FUT8: variants seen among roughly 807,000 people sequenced by gnomAD.
The protein encoded by FUT8 is alpha-(1,6)-fucosyltransferase.
FUT8 carries 29 observed loss-of-function variants against 71.3 expected under a neutral mutation model. The ratio of observed to expected loss-of-function variants is 0.41; its 90% CI spans 0.30 to 0.55. The LOEUF (loss-of-function observed/expected upper bound fraction) is 0.55. Ranked by LOEUF, FUT8 falls within the 20% of genes least tolerant of loss-of-function variation. The pLI is 0.34. For synonymous variants in FUT8, 254 were observed against 239.3 expected (o/e 1.06, Z -0.57); for missense variants, 544 against 702.1 (o/e 0.77, Z 2.55).
chr14:65,565,990 A>G (rs116459339), intron 3 of FUT8, among the ~76,000 whole-genome samples: 5,839 of 151,968 alleles, frequency 0.038, 387 homozygotes, highest in African/African-American at 0.13. Flanking sequence ...TGGTGGCATA[A>G]AACAATCATT....
chr14:65,574,790 A>G lies in FUT8; in HGVS notation c.203+13024A>G, dbSNP rs1886666337. Reference sequence around the variant, plus strand: ...AGTGAACTTCATTGTTTGTGGCGCAATGTCTTGCTTCCCTTGGTTCCTAGT... The same window carrying G: ...AGTGAACTTCATTGTTTGTGGCGCAGTGTCTTGCTTCCCTTGGTTCCTAGT... On this transcript the variant is annotated intron_variant, in intron 3 of 10. Coordinates refer to ENST00000673929, the MANE Select transcript of FUT8 (RefSeq NM_001371533.1). This position sits in a 1 kb window ranked among gnomAD's most constrained non-coding sequence, Gnocchi z 5.2. 6.6e-6 allele frequency among the ~76,000 whole-genome samples: 1 copy of G among 152,158 alleles called. No homozygotes were observed. The highest frequency in any genetic ancestry group is 1.5e-5 in the Non-Finnish European group (1 of 68,024).
In FUT8 at chr14:65,602,341, TCTCACACACACACACACACACACACACA is replaced by T. The variant is rs1250502733; in HGVS notation, c.204-13635_204-13608del. Among the ~76,000 whole-genome samples, 22 of 50,066 alleles carry T rather than the reference TCTCACACACACACACACACACACACACA, an allele frequency of 4.4e-4. No individual in the cohort carries two copies. The East Asian group carries it at 5.5e-3, about 12-fold the overall frequency. 32.8% of individuals were successfully genotyped at this position (50,066 alleles called of 152,430 possible). On this transcript the variant is annotated intron_variant, in intron 3 of 10. Coordinates refer to ENST00000673929, the MANE Select transcript of FUT8 (RefSeq NM_001371533.1). ...TTTCATGGCCGAGTAGCGTTCCATC[TCTCACACACACACACACACACACACACA>T]CACACACACACACACACACACACAC...
At chr14:65,599,891 C>G (rs113214767) in intron 3 of FUT8, among the ~76,000 whole-genome samples, 1 of 152,162 alleles carries the variant, frequency 6.6e-6, no homozygotes, top group Non-Finnish European at 1.5e-5. Flanking sequence ...TACATATGCT[C>G]TAACAAAAAT....
At chr14:65,635,905 G>T (rs1468701512) in intron 6 of FUT8, among the ~76,000 whole-genome samples, 1 of 152,058 alleles carries the variant, frequency 6.6e-6, no homozygotes. Flanking sequence ...GTATCGAAAG[G>T]ATTGGTACCA....
At chr14:65,417,334 CCCCCCA>C (rs2065233692) in intron 1 of FUT8, among the ~76,000 whole-genome samples, 1 of 152,102 alleles carries the variant, frequency 6.6e-6, no homozygotes, top group Non-Finnish European at 1.5e-5. Context: ...TCCCCAGCTA[CCCCCCA>C]TCATCCAACA....
At chr14:65,663,679 C>G (rs1409131104) in intron 6 of FUT8, among the ~76,000 whole-genome samples, 1 of 152,022 alleles carries the variant, frequency 6.6e-6, no homozygotes, top group East Asian at 1.9e-4. Flanking sequence ...TGGATTTTCC[C>G]TCTTTCTTTA....
intron 2 of FUT8, among the ~76,000 whole-genome samples, chr14:65,555,655 A>T (rs1885548084): frequency 6.6e-6 from 1 of 152,232 alleles, no homozygotes; most frequent in East Asian, 1.9e-4. Context: ...TCTAGGCAGA[A>T]GGCTAAAGTG....
intron 2 of FUT8, among the ~76,000 whole-genome samples, chr14:65,533,655 T>C (rs918600098): frequency 6.6e-6 from 1 of 152,140 alleles, no homozygotes; most frequent in Non-Finnish European, 1.5e-5. Context: ...TGATTGCTCT[T>C]GAAAGGACTT....
rs1555379148 is a variant in FUT8, at chr14:65,643,663, A to ACACACACAC, written c.597+14057_597+14058insCACACACAC. Among the ~76,000 whole-genome samples, 1 of 53,844 alleles carries ACACACACAC rather than the reference A, an allele frequency of 1.9e-5. No individual in the cohort carries two copies. The highest frequency in any genetic ancestry group is 7.6e-5 in the African/African-American group (1 of 13,154). 35.3% of individuals were successfully genotyped at this position (53,844 alleles called of 152,430 possible). The stretch of plus-strand genomic sequence containing the variant: ...AGCGAGACTCCGTCTTTAAAAAAAA[A>ACACACACAC]ATACACACACACACACACACACACA... On this transcript the variant is annotated intron_variant, in intron 6 of 10. Transcript: ENST00000673929. This position sits in a 1 kb window ranked among gnomAD's most constrained non-coding sequence, Gnocchi z 4.5.
At chr14:65,634,621 G>A (rs1239332342) in intron 6 of FUT8, among the ~76,000 whole-genome samples, 1 of 148,816 alleles carries the variant, frequency 6.7e-6, no homozygotes, top group Non-Finnish European at 1.5e-5. Flanking sequence ...CTTTGTTGAA[G>A]ATCAGTTGGC....
chr14:65,510,801 A>C (rs148886925), intron 2 of FUT8, among the ~76,000 whole-genome samples: 20 of 151,686 alleles, frequency 1.3e-4, no homozygotes, highest in Admixed American at 1.3e-3. Context: ...ATTTATTTGG[A>C]TCTTCTTTTT....
At position 65,523,036 on chromosome 14, in the gene FUT8, G is replaced by T. The variant is rs143735050; in HGVS notation, c.-227-38301G>T. Among the ~76,000 whole-genome samples the T allele has an allele frequency of 4.9e-3, 743 of 152,224 alleles. 8 individuals are homozygous for T. The highest frequency in any genetic ancestry group is 0.017 in the African/African-American group (707 of 41,524). ...TTAATAGTGTCGCAATAAACGTAAC[G>T]TGTGCATGTGTCTTTATAGCAGCAT... is the stretch of plus-strand genomic sequence containing the variant. On this transcript the variant is annotated intron_variant, in intron 2 of 10. Transcript: ENST00000673929.
chr14:65,636,154 T>A (rs1263150542), intron 6 of FUT8, among the ~76,000 whole-genome samples: 3 of 152,202 alleles, frequency 2.0e-5, no homozygotes, highest in Admixed American at 2.0e-4. Flanking sequence ...CCTTGAATGA[T>A]CTTTTGTATT....
At chr14:65,531,720 G>A (rs549490316) in intron 2 of FUT8, among the ~76,000 whole-genome samples, 1 of 152,132 alleles carries the variant, frequency 6.6e-6, no homozygotes, top group East Asian at 1.9e-4. Flanking sequence ...CATCACCCAG[G>A]TACTAAGCCT....
intron 3 of FUT8, among the ~76,000 whole-genome samples, chr14:65,576,319 C>T (rs1886772067): frequency 6.6e-6 from 1 of 152,166 alleles, no homozygotes; most frequent in South Asian, 2.1e-4. Context: ...ACATAGTTTA[C>T]TCTCTGACCC....
chr14:65,680,202 C>G (rs1468158299), intron 7 of FUT8, among the ~76,000 whole-genome samples: 1 of 152,154 alleles, frequency 6.6e-6, no homozygotes, highest in African/African-American at 2.4e-5. Flanking sequence ...AGACAGAGAG[C>G]TAGAGGGCTG....
At chr14:65,482,601 A>T (rs1053525837) in intron 2 of FUT8, among the ~76,000 whole-genome samples, 1 of 152,148 alleles carries the variant, frequency 6.6e-6, no homozygotes, top group Non-Finnish European at 1.5e-5. Context: ...TCTTGATGCC[A>T]CTACCATGCT....
chr14:65,565,941 A>G (rs1886170830), intron 3 of FUT8, among the ~76,000 whole-genome samples: 1 of 151,686 alleles, frequency 6.6e-6, no homozygotes, highest in Non-Finnish European at 1.5e-5. Flanking sequence ...ATTTATTAGT[A>G]ATATAAAATA....
At chr14:65,530,583 A>T (rs559739227) in intron 2 of FUT8, among the ~76,000 whole-genome samples, 18 of 152,298 alleles carry the variant, frequency 1.2e-4, no homozygotes, top group African/African-American at 4.3e-4. Context: ...AATTAATTTT[A>T]GTAACAACAT....
Sources: gnomAD v4.1 joint callset for allele counts (sites outside exome capture counted in the v4.1 genomes callset) on GRCh38, gnomAD v4.1.1 for gene constraint, Gnocchi (gnomAD v3.1) non-coding constraint, MANE v1.5 for transcripts, NCBI Gene and HGNC (gene_info 2026-07-23, HGNC 2026-07-21) for gene names.